NELL2: variants seen among roughly 807,000 people sequenced by gnomAD.
NELL2 encodes the protein protein kinase C-binding protein NELL2.
In NELL2, 41 loss-of-function variants were observed where a neutral mutation model predicts 109.6. That is an observed-to-expected ratio of 0.37 (90% CI 0.29 to 0.49). The LOEUF (loss-of-function observed/expected upper bound fraction) is 0.49, where lower values mean the gene tolerates loss of function less well. Ranked by LOEUF, NELL2 falls within the 20% of genes least tolerant of loss-of-function variation. NELL2 has a pLI of 0.98. For synonymous variants in NELL2, 355 were observed against 344.7 expected, an observed-to-expected ratio of 1.03 and a Z score of -0.33; for missense variants, 900 against 1,008.3, an observed-to-expected ratio of 0.89 and a Z score of 1.45.
At chr12:44,916,771 G>C (rs1198873087), upstream of NELL2, among the ~76,000 whole-genome samples, 1 of 152,084 alleles carries the variant, frequency 6.6e-6, no homozygotes, top group Admixed American at 6.6e-5. Context: ...CAGTACCATA[G>C]AATCATAGAC....
chr12:44,826,184 C>G (rs1943705629), intron 2 of NELL2, among the ~76,000 whole-genome samples: 1 of 152,144 alleles, frequency 6.6e-6, no homozygotes, highest in African/African-American at 2.4e-5. Context: ...CTACAACTGC[C>G]ATCATGAATT....
chr12:44,601,891 A>G (rs942553428), intron 15 of NELL2, among the ~76,000 whole-genome samples: 1 of 152,170 alleles, frequency 6.6e-6, no homozygotes, highest in African/African-American at 2.4e-5. Flanking sequence ...TCTCAGGCCA[A>G]TGTTTCTCTG....
intron 9 of NELL2, among the ~76,000 whole-genome samples, chr12:44,715,892 T>C (rs1938459888): frequency 6.6e-6 from 1 of 152,168 alleles, no homozygotes; most frequent in Non-Finnish European, 1.5e-5. Flanking sequence ...ATATCCCTAT[T>C]ACCTTTAAAA....
chr12:44,614,953 A>T (rs1191489612), intron 13 of NELL2, among the ~76,000 whole-genome samples: 1 of 152,148 alleles, frequency 6.6e-6, no homozygotes, highest in Non-Finnish European at 1.5e-5. Context: ...CTACATTTAA[A>T]TTCAATTTAG....
chr12:44,678,530 G>C (rs966582837), intron 12 of NELL2, among the ~76,000 whole-genome samples: 2 of 151,940 alleles, frequency 1.3e-5, no homozygotes, highest in African/African-American at 2.4e-5. Context: ...GAGGTAGTGG[G>C]ATTTGTACCA....
intron 12 of NELL2, among the ~76,000 whole-genome samples, chr12:44,697,105 A>G (rs566812922): frequency 6.6e-6 from 1 of 152,366 alleles, no homozygotes; most frequent in South Asian, 2.1e-4. Context: ...TTCTTTCAGC[A>G]TATTTCTGGT....
chr12:44,848,562 G>A (rs571059995), intron 2 of NELL2, among the ~76,000 whole-genome samples: 5 of 152,122 alleles, frequency 3.3e-5, no homozygotes, highest in African/African-American at 1.2e-4. Context: ...ATCCCACCTG[G>A]ACAGAAGCCA....
At chr12:44,643,313 A>C (rs1490202047) in intron 13 of NELL2, among the ~76,000 whole-genome samples, 1 of 152,184 alleles carries the variant, frequency 6.6e-6, no homozygotes, top group Non-Finnish European at 1.5e-5. Context: ...CTACAATACC[A>C]TTCTAAATTA....
At chr12:44,867,824 G>A (rs1202639820) in intron 2 of NELL2, among the ~76,000 whole-genome samples, 1 of 151,944 alleles carries the variant, frequency 6.6e-6, no homozygotes, top group Admixed American at 6.6e-5. Flanking sequence ...GTGTCTCTAT[G>A]TTAACAATAA....
chr12:44,586,997 G>C (rs978369234), intron 15 of NELL2, among the ~76,000 whole-genome samples: 1 of 152,060 alleles, frequency 6.6e-6, no homozygotes, highest in African/African-American at 2.4e-5. Context: ...TATGGGCCGG[G>C]AGCAGTGGCT....
chr12:44,611,261 T>C lies in NELL2; in HGVS notation c.1445-291A>G, dbSNP rs115488665. Among the ~76,000 whole-genome samples, 784 of 152,182 alleles carry C rather than the reference T, an allele frequency of 5.2e-3. 8 individuals carry two copies. Among genetic ancestry groups the C allele is most frequent in the African/African-American group, 0.018 (733 of 41,534 alleles). ...ATGAGGATTAATTCTAGAAGTAGAC[T>C]ACAAAGTCAGCTGTATACAGTTAAT... is the stretch of plus-strand genomic sequence containing the variant. On this transcript the variant is annotated intron_variant, in intron 13 of 19. Transcript: ENST00000429094.
intron 3 of NELL2, among the ~76,000 whole-genome samples, chr12:44,798,899 G>GT (rs896188993): frequency 1.0e-4 from 15 of 143,976 alleles, no homozygotes; most frequent in Non-Finnish European, 7.5e-5. Context: ...TGAGGGATCA[G>GT]TTGGCTATTC....
intron 2 of NELL2, 30 bp downstream of exon 2, chr12:44,875,195 C>T: frequency 6.3e-7 from 1 of 1,596,260 alleles, no homozygotes; most frequent in Non-Finnish European, 8.6e-7. Flanking sequence ...GAACTGAAAT[C>T]ACAGTGGGGA....
chr12:44,908,504 G>A (rs1310979247), intron 1 of NELL2, among the ~76,000 whole-genome samples: 1 of 151,884 alleles, frequency 6.6e-6, no homozygotes. Context: ...GGTATTGAAT[G>A]AACATAGGGA....
At chr12:44,676,682 T>G (rs1948330649) in intron 12 of NELL2, among the ~76,000 whole-genome samples, 1 of 152,100 alleles carries the variant, frequency 6.6e-6, no homozygotes, top group African/African-American at 2.4e-5. Context: ...TTGCTAGTCT[T>G]GATAGAATAT....
chr12:44,912,124 C>G (rs1945786929), intron 1 of NELL2, among the ~76,000 whole-genome samples: 1 of 151,708 alleles, frequency 6.6e-6, no homozygotes. Context: ...AAAAAATCAG[C>G]AGAATCTAAA....
chr12:44,522,729 C>T (rs73096329), intron 17 of NELL2: 5,051 of 153,330 alleles, frequency 0.033, 98 homozygotes, highest in Middle Eastern at 0.12. Flanking sequence ...AACAGAATAC[C>T]TATCTAAAAC....
At chr12:44,781,915 C>G (rs1412892666) in intron 3 of NELL2, among the ~76,000 whole-genome samples, 1 of 151,470 alleles carries the variant, frequency 6.6e-6, no homozygotes, top group Non-Finnish European at 1.5e-5. Flanking sequence ...GACCTCTAAA[C>G]AGAAAGAAAA....
At chr12:44,637,912 C>T (rs565436880) in intron 13 of NELL2, among the ~76,000 whole-genome samples, 17 of 152,080 alleles carry the variant, frequency 1.1e-4, no homozygotes, top group Middle Eastern at 3.4e-3. Flanking sequence ...AAAATTACTA[C>T]AACAGCAGTT....
Sources: allele counts gnomAD v4.1 joint callset (sites outside exome capture counted in the v4.1 genomes callset), GRCh38; gene constraint gnomAD v4.1.1; transcripts MANE v1.5; gene names NCBI Gene and HGNC (gene_info 2026-07-23, HGNC 2026-07-21).